Variants in LIPI observed in about 807,000 individuals in gnomAD.
The protein encoded by LIPI is lipase I, also known as lipase member I.
A neutral mutation model predicts 50.6 loss-of-function variants in LIPI; 59 were observed. That is an observed-to-expected ratio of 1.16 (90% CI 0.94 to 1.45). LIPI has a LOEUF of 1.45. Ranked by LOEUF, LIPI falls within the 40% of genes most tolerant of loss-of-function variation. The pLI, the probability that LIPI is intolerant of heterozygous loss-of-function variation, is 0.00. For missense variants in LIPI, 586 were observed against 536.3 expected, an observed-to-expected ratio of 1.09 and a Z score of -0.92; for synonymous variants, 203 against 178.2, an observed-to-expected ratio of 1.14 and a Z score of -1.11.
rs2019553142 is a variant in LIPI, at chr21:14,189,037, A to T, written c.429T>A (p.Leu143=). 6.2e-7 allele frequency: 1 copy of T among 1,603,704 alleles called. No individual in the cohort carries two copies. The highest frequency in any genetic ancestry group is 8.5e-7 in the Non-Finnish European group (1 of 1,179,546). The change falls in exon 2 of 10, where the codon CTT becomes CTA. Residue 143 remains leucine, a synonymous_variant. Coordinates refer to ENST00000681601, the MANE Select transcript of LIPI (RefSeq NM_001302998.2). ...TACATAAAATTCCCAGACTTACCAA[A>T]AGATTTTTAATGTGCACACTCAAAC... The part of the protein sequence containing the change: ...AVSLSVHIKN[L]LKHGASLDNF...
intron 4 of LIPI, among the ~76,000 whole-genome samples, chr21:14,180,599 C>T (rs1259964518): frequency 6.6e-6 from 1 of 152,094 alleles, no homozygotes; most frequent in Non-Finnish European, 1.5e-5. Flanking sequence ...ATTAATTGGC[C>T]AATAGATGTG....
At chr21:14,121,004 T>C (rs1160806483) in intron 9 of LIPI, among the ~76,000 whole-genome samples, 1 of 152,208 alleles carries the variant, frequency 6.6e-6, no homozygotes, top group South Asian at 2.1e-4. Flanking sequence ...GAAAACCTGC[T>C]TGTAAACTTT....
chr21:14,162,204 G>T (rs907296377), intron 7 of LIPI, among the ~76,000 whole-genome samples: 2 of 151,160 alleles, frequency 1.3e-5, no homozygotes, highest in Non-Finnish European at 3.0e-5. Flanking sequence ...AGGGAACTAT[G>T]CTGAGTGAAA....
At chr21:14,193,975 C>A (rs749843094) in intron 1 of LIPI, among the ~76,000 whole-genome samples, 1 of 152,046 alleles carries the variant, frequency 6.6e-6, no homozygotes, top group Non-Finnish European at 1.5e-5. Flanking sequence ...TAAAACTGGG[C>A]AAAGACTTAA....
chr21:14,131,467 G>A (rs1402880030), intron 9 of LIPI, among the ~76,000 whole-genome samples: 3 of 152,154 alleles, frequency 2.0e-5, no homozygotes, highest in Non-Finnish European at 4.4e-5. Context: ...GTGTACTGCT[G>A]AAGAAGTCAT....
rs894581755 is a variant in LIPI, at chr21:14,124,192, G to A, written c.1296-15112C>T. Reference sequence around the variant, plus strand: ...TGGACCGAAAAACTACCACCAAAATGATGGTGCTACAAAAATACCAACCGA... The same window carrying A: ...TGGACCGAAAAACTACCACCAAAATAATGGTGCTACAAAAATACCAACCGA... On this transcript the variant is annotated intron_variant, in intron 9 of 9. Coordinates refer to ENST00000681601, the MANE Select transcript of LIPI (RefSeq NM_001302998.2). Among the ~76,000 whole-genome samples, 19 of 152,220 alleles carry A rather than the reference G, an allele frequency of 1.2e-4. 2 individuals carry two copies. The highest frequency in any genetic ancestry group is 1.2e-3 in the South Asian group (6 of 4,820).
intron 1 of LIPI, among the ~76,000 whole-genome samples, chr21:14,202,272 G>C (rs966715693): frequency 4.6e-5 from 7 of 152,186 alleles, no homozygotes. Flanking sequence ...GTAATTTATA[G>C]ATTCAATGCC....
intron 1 of LIPI, among the ~76,000 whole-genome samples, chr21:14,209,499 T>C (rs1364093062): frequency 6.6e-6 from 1 of 152,194 alleles, no homozygotes; most frequent in Non-Finnish European, 1.5e-5. Flanking sequence ...AGAGAATGCA[T>C]AGAGTCTACA....
chr21:14,204,064 C>T (rs2020154979), intron 1 of LIPI, among the ~76,000 whole-genome samples: 1 of 151,926 alleles, frequency 6.6e-6, no homozygotes, highest in African/African-American at 2.4e-5. Context: ...TGGGGGAGAA[C>T]AACACACACT....
chr21:14,189,271 T>C lies in LIPI; in HGVS notation c.195A>G (p.Ser65=), dbSNP rs2123281972. Reference sequence around the variant, plus strand: ...TTTGTGTGTTGAAATTAACATTAAGTGAGTTATTTTGTTCAAACAGTGGCT... The same window carrying C: ...TTTGTGTGTTGAAATTAACATTAAGCGAGTTATTTTGTTCAAACAGTGGCT... The part of the protein sequence containing the change: ...CAEPLFEQNN[S]LNVNFNTQKK... The change falls in exon 2 of 10, where the codon TCA becomes TCG. Residue 65 remains serine (S), a synonymous_variant. Coordinates refer to ENST00000681601, the MANE Select transcript of LIPI (RefSeq NM_001302998.2). The C allele has an allele frequency of 1.2e-6, 2 of 1,613,874 alleles. No homozygotes were observed. The highest frequency in any genetic ancestry group is 1.7e-6 in the Non-Finnish European group (2 of 1,179,798).
intron 9 of LIPI, among the ~76,000 whole-genome samples, chr21:14,115,336 C>G (rs1010672676): frequency 6.6e-6 from 1 of 152,118 alleles, no homozygotes; most frequent in Non-Finnish European, 1.5e-5. Flanking sequence ...GATCAACTGC[C>G]TTTTTTCTCG....
intron 4 of LIPI, among the ~76,000 whole-genome samples, chr21:14,179,501 A>T (rs773606760): frequency 6.6e-6 from 1 of 152,170 alleles, no homozygotes; most frequent in Non-Finnish European, 1.5e-5. Flanking sequence ...GTTCATTAGG[A>T]TAAGTCAAAA....
chr21:14,125,826 T>TTAACA (rs1248639724), intron 9 of LIPI, among the ~76,000 whole-genome samples: 1 of 152,062 alleles, frequency 6.6e-6, no homozygotes, highest in East Asian at 1.9e-4. Flanking sequence ...AAGTGCTGGG[T>TTAACA]TAACAGATGT....
At chr21:14,181,736 G>A (rs2019276823) in intron 4 of LIPI, 22 bp downstream of exon 4, 2 of 1,415,830 alleles carry the variant, frequency 1.4e-6, no homozygotes, top group Admixed American at 3.4e-5. Flanking sequence ...AAATAATTAG[G>A]TAATAAATCC....
At chr21:14,151,681 T>TTTAAGAAAAAATTTAA (rs1373656574) in intron 8 of LIPI, among the ~76,000 whole-genome samples, 1 of 152,182 alleles carries the variant, frequency 6.6e-6, no homozygotes. Flanking sequence ...CATTCTTTTA[T>TTTAAGAAAAAATTTAA]TTAAGAAAAA....
intron 9 of LIPI, among the ~76,000 whole-genome samples, chr21:14,142,475 T>TTA (rs921702194): frequency 2.7e-5 from 4 of 148,840 alleles, no homozygotes; most frequent in Admixed American, 6.7e-5. Flanking sequence ...AGATAATATA[T>TTA]TATATATATA....
rs115007577 is a variant in LIPI at position 14,196,614 on chromosome 21, G to T, written c.47-7195C>A. On this transcript the variant is annotated intron_variant, in intron 1 of 9. Coordinates refer to ENST00000681601, the MANE Select transcript of LIPI (RefSeq NM_001302998.2). ...GGCCAAGGCAGGAGAATAGCTGGAG[G>T]CTAGGAGTTCAAGACAAGCCTGAGC... Among the ~76,000 whole-genome samples the T allele has an allele frequency of 9.4e-3, 1,434 of 152,124 alleles. 25 individuals carry two copies. Among genetic ancestry groups the T allele is most frequent in the African/African-American group, 0.033 (1,376 of 41,506 alleles).
chr21:14,192,010 C>T (rs2019694226), intron 1 of LIPI, among the ~76,000 whole-genome samples: 1 of 152,196 alleles, frequency 6.6e-6, no homozygotes, highest in Non-Finnish European at 1.5e-5. Context: ...AACCAACTCC[C>T]ATATGACTCC....
chr21:14,179,469 A>G (rs376723947), intron 4 of LIPI, among the ~76,000 whole-genome samples: 3 of 152,278 alleles, frequency 2.0e-5, no homozygotes, highest in East Asian at 3.9e-4. Flanking sequence ...AAGATGTTGC[A>G]AATATAAGAC....
Sources: allele counts gnomAD v4.1 joint callset (sites outside exome capture counted in the v4.1 genomes callset), GRCh38; gene constraint gnomAD v4.1.1; transcripts MANE v1.5; gene names NCBI Gene and HGNC (gene_info 2026-07-23, HGNC 2026-07-21).